ZMYM2: variants seen among roughly 807,000 people sequenced by gnomAD.
ZMYM2 encodes zinc finger MYM-type containing 2.
Under a neutral mutation model 162.8 loss-of-function variants are expected in ZMYM2, and 56 were observed. The observed-to-expected ratio is 0.34, with a 90% CI of 0.28 to 0.43. The LOEUF (loss-of-function observed/expected upper bound fraction) is 0.43, where lower values mean the gene tolerates loss of function less well. ZMYM2 is among the 20% of genes least tolerant of loss of function. The probability of loss-of-function intolerance (pLI) is 1.00; values close to 1 mark genes in which losing one functional copy is unlikely to be tolerated. For synonymous variants in ZMYM2, 510 were observed against 541.6 expected (o/e 0.94, Z 0.81); for missense variants, 1,275 against 1,621.8 (o/e 0.79, Z 3.67).
chr13:19,949,482 A>T, the ZMYM2 span, among the ~76,000 whole-genome samples: 1 of 152,248 alleles, frequency 6.6e-6, no homozygotes, highest in East Asian at 1.9e-4. Flanking sequence ...TAGTCCTAGC[A>T]GTCGGGAAGC....
chr13:19,997,377 C>T (rs1950092757), intron 3 of ZMYM2, among the ~76,000 whole-genome samples: 1 of 152,126 alleles, frequency 6.6e-6, no homozygotes, highest in Non-Finnish European at 1.5e-5. Flanking sequence ...TATGATTACT[C>T]CCATGCCCCT....
rs367824215 is a variant in ZMYM2, at chr13:19,975,757, G to T, written c.-11+15731G>T. ...GGGAACCATTAAACTGTTTTCCACA[G>T]TGTGGTACCATTTTACATTTTTACC... On this transcript the variant is annotated intron_variant, in intron 2 of 24. Transcript: ENST00000610343. Among the ~76,000 whole-genome samples, 39 of 152,304 alleles carry T rather than the reference G, an allele frequency of 2.6e-4. No homozygotes were observed. In the South Asian group the frequency reaches 7.9e-3, roughly 31 times the overall value.
At chr13:20,072,477 C>T (rs372830366) in intron 21 of ZMYM2, among the ~76,000 whole-genome samples, 23 of 152,196 alleles carry the variant, frequency 1.5e-4, no homozygotes, top group African/African-American at 4.8e-4. Flanking sequence ...GCTGAGATCA[C>T]GCCATTGCAC....
At chr13:19,884,334 G>A in the ZMYM2 span, among the ~76,000 whole-genome samples, 1 of 152,144 alleles carries the variant, frequency 6.6e-6, no homozygotes, top group Non-Finnish European at 1.5e-5. Context: ...CCCGCACTTT[G>A]AAAGGCCCTG....
chr13:19,956,274 C>T (rs1009662356), upstream of ZMYM2, among the ~76,000 whole-genome samples: 2 of 152,090 alleles, frequency 1.3e-5, no homozygotes, highest in Non-Finnish European at 2.9e-5. Flanking sequence ...ATTCACTTAG[C>T]ATAATGTCTT....
intron 17 of ZMYM2, 134 bp downstream of exon 17, chr13:20,061,358 GTTTTTTAT>G: frequency 3.8e-6 from 3 of 782,612 alleles, no homozygotes; most frequent in Non-Finnish European, 5.2e-6. Context: ...TAACAAAAAT[GTTTTTTAT>G]ATTAAGAGAT....
chr13:19,910,632 C>T, the ZMYM2 span, among the ~76,000 whole-genome samples: 5 of 151,638 alleles, frequency 3.3e-5, no homozygotes, highest in South Asian at 2.1e-4. Context: ...CGTGAACCAC[C>T]GTGCCCAGCC....
At chr13:20,032,599 CTTTTTTTTTTT>C (rs57294389) in intron 10 of ZMYM2, among the ~76,000 whole-genome samples, 20 of 66,036 alleles carry the variant, frequency 3.0e-4, no homozygotes, top group African/African-American at 7.5e-4. Flanking sequence ...TTTTTTCTGT[CTTTTTTTTTTT>C]TTTTTTTTTT....
chr13:20,015,116 A>G (rs1354938711), intron 6 of ZMYM2, among the ~76,000 whole-genome samples: 1 of 152,008 alleles, frequency 6.6e-6, no homozygotes, highest in Non-Finnish European at 1.5e-5. Context: ...TTTTTCTCTG[A>G]TTAGTATTTA....
intron 3 of ZMYM2, among the ~76,000 whole-genome samples, 157 bp from the exon 4 acceptor site, chr13:20,002,693 T>G (rs1671682030): frequency 1.3e-5 from 2 of 152,174 alleles, no homozygotes; most frequent in African/African-American, 2.4e-5. Flanking sequence ...ACATTCTTAC[T>G]CCAAAACTTG....
chr13:20,010,030 A>G (rs1165207983), intron 6 of ZMYM2, among the ~76,000 whole-genome samples: 1 of 152,200 alleles, frequency 6.6e-6, no homozygotes, highest in African/African-American at 2.4e-5. Context: ...GCAGCAATGT[A>G]CAAGGCTTCT....
chr13:20,031,720 A>G (rs1340658333), intron 10 of ZMYM2, among the ~76,000 whole-genome samples: 1 of 152,042 alleles, frequency 6.6e-6, no homozygotes, highest in Admixed American at 6.6e-5. Context: ...ACCTAGAGCA[A>G]TTGTCTTTCC....
intron 11 of ZMYM2, among the ~76,000 whole-genome samples, chr13:20,035,305 CATGTA>C (rs987021604): frequency 5.3e-5 from 8 of 152,154 alleles, no homozygotes; most frequent in Non-Finnish European, 1.0e-4. Flanking sequence ...ACAGTCTTAA[CATGTA>C]ATGTAAAGTC....
At chr13:19,911,431 G>A in the ZMYM2 span, among the ~76,000 whole-genome samples, 2 of 152,172 alleles carry the variant, frequency 1.3e-5, no homozygotes, top group Non-Finnish European at 2.9e-5. Flanking sequence ...TCACCTTGAG[G>A]AAGAAACTTG....
chr13:19,945,739 T>C, the ZMYM2 span, among the ~76,000 whole-genome samples: 1 of 151,920 alleles, frequency 6.6e-6, no homozygotes, highest in Non-Finnish European at 1.5e-5. Context: ...TAGAAAAGTT[T>C]TTTCACCAGC....
intron 6 of ZMYM2, among the ~76,000 whole-genome samples, chr13:20,011,748 GT>G (rs1273708042): frequency 2.4e-4 from 32 of 134,380 alleles, no homozygotes; most frequent in East Asian, 6.5e-4. Context: ...CCTAATTTTT[GT>G]TTTTTTTTTT....
At position 20,082,936 on chromosome 13, in the gene ZMYM2, A is replaced by T. The variant is rs775931039; in HGVS notation, c.3724A>T (p.Thr1242Ser). The T allele has an allele frequency of 6.2e-7, 1 of 1,613,880 alleles. No homozygotes were observed. Among genetic ancestry groups the T allele is most frequent in the Non-Finnish European group, 8.5e-7 (1 of 1,179,890 alleles). The change falls in exon 23 of 25, where the codon ACT becomes TCT. Residue 1242 changes from threonine to serine, a missense_variant. Thr to Ser is a moderately conservative substitution (Grantham distance 58). This residue lies in a region of ZMYM2 where 103 missense variants were observed against 192.2 expected (regional missense o/e 0.54). Transcript: ENST00000610343. ...ACAACACTTAAGACTTTCCTTTGGC[A>T]CTGTGTTTAGGCATTGGAAAAAAAA... The part of the protein sequence containing the change: ...VEQHLRLSFG[T>S]VFRHWKKNPL...
At chr13:19,973,601 G>A (rs1956515395) in intron 2 of ZMYM2, among the ~76,000 whole-genome samples, 1 of 149,120 alleles carries the variant, frequency 6.7e-6, no homozygotes, top group African/African-American at 2.5e-5. Context: ...AACCCGGGAG[G>A]CAGAGGTTGC....
At chr13:20,073,672 CCTTGA>C (rs1957254995) in intron 21 of ZMYM2, among the ~76,000 whole-genome samples, 1 of 152,048 alleles carries the variant, frequency 6.6e-6, no homozygotes, top group Non-Finnish European at 1.5e-5. Flanking sequence ...TTTTAATTTT[CCTTGA>C]CTTAAGGAAA....
Sources: gnomAD v4.1 joint callset for allele counts (sites outside exome capture counted in the v4.1 genomes callset) on GRCh38, gnomAD v4.1.1 for gene constraint, gnomAD v4.1.1 regional missense constraint, MANE v1.5 for transcripts, NCBI Gene and HGNC (gene_info 2026-07-23, HGNC 2026-07-21) for gene names.